The following IFT122 variants were observed in gnomAD, a reference collection of about 807,000 sequenced individuals.
The protein encoded by IFT122 is intraflagellar transport 122.
In IFT122, 118 loss-of-function variants were observed where a neutral mutation model predicts 161.6. The ratio of observed to expected loss-of-function variants is 0.73; its 90% CI spans 0.63 to 0.85. The LOEUF is 0.85. Among genes scored for constraint, IFT122 ranks in the 40% least tolerant of loss-of-function variants. The probability of loss-of-function intolerance (pLI) is 0.00; values close to 1 mark genes in which losing one functional copy is unlikely to be tolerated. For missense variants in IFT122, 1,381 were observed against 1,579.6 expected (o/e 0.87, Z 2.13); for synonymous variants, 550 against 602.4 (o/e 0.91, Z 1.27).
chr3:129,517,268 G>GCACGCGCGCGCGCA (rs1553776446), intron 26 of IFT122, among the ~76,000 whole-genome samples: 1 of 117,004 alleles, frequency 8.5e-6, no homozygotes, highest in African/African-American at 3.2e-5. Flanking sequence ...CATTGCTCCT[G>GCACGCGCGCGCGCA]CACACACACA....
chr3:129,478,348 G>A (rs2078212783), intron 12 of IFT122, 130 bp downstream of exon 12: 2 of 740,912 alleles, frequency 2.7e-6, no homozygotes. Flanking sequence ...ACTAAGTGGT[G>A]CTTATTGGCT....
intron 2 of IFT122, among the ~76,000 whole-genome samples, chr3:129,450,971 C>T (rs548311401): frequency 5.7e-4 from 86 of 152,140 alleles, no homozygotes; most frequent in African/African-American, 1.8e-3. Context: ...CCACCCACCT[C>T]GGCCTCCCAA....
At chr3:129,466,523 A>T (rs2108153345) in intron 7 of IFT122, among the ~76,000 whole-genome samples, 1 of 106,132 alleles carries the variant, frequency 9.4e-6, no homozygotes. Context: ...TTTTTTTGAG[A>T]CGGGGTCTCA....
intron 5 of IFT122, among the ~76,000 whole-genome samples, chr3:129,462,956 A>G (rs976858847): frequency 6.6e-6 from 1 of 152,152 alleles, no homozygotes; most frequent in Non-Finnish European, 1.5e-5. Flanking sequence ...GCTAGGTTAT[A>G]CTCTGGTTGC....
chr3:129,482,642 A>T (rs2108341933), intron 14 of IFT122, among the ~76,000 whole-genome samples: 1 of 152,254 alleles, frequency 6.6e-6, no homozygotes, highest in East Asian at 1.9e-4. Context: ...CATGTCCTTG[A>T]GAGAGTAGAA....
chr3:129,482,731 T>C lies in IFT122; in HGVS notation c.1654-754T>C, dbSNP rs117956136. Among the ~76,000 whole-genome samples, 75 of 152,332 alleles carry C rather than the reference T, an allele frequency of 4.9e-4. No homozygotes were observed. In the East Asian group the frequency reaches 0.011, roughly 22 times the overall value. ...TGCCTGCATCCCTTACTGTGTGATC[T>C]TAAGTTAGTGAGCCTCTCTGAGCCT... On this transcript the variant is annotated intron_variant, in intron 14 of 29. Transcript: ENST00000348417.
chr3:129,452,152 A>G (rs1231795143), intron 3 of IFT122, 154 bp downstream of exon 3: 10 of 658,004 alleles, frequency 1.5e-5, no homozygotes, highest in East Asian at 1.2e-4. Flanking sequence ...TGGTCATTCA[A>G]TCTAGCAAGT....
chr3:129,457,150 G>A (rs565790799), intron 3 of IFT122, among the ~76,000 whole-genome samples: 4 of 152,280 alleles, frequency 2.6e-5, no homozygotes, highest in East Asian at 1.9e-4. Flanking sequence ...TGAAGACCCC[G>A]TTATTTGCTG....
At chr3:129,489,624 G>A (rs962622062) in intron 16 of IFT122, among the ~76,000 whole-genome samples, 5 of 152,072 alleles carry the variant, frequency 3.3e-5, no homozygotes, top group Non-Finnish European at 7.4e-5. Flanking sequence ...CGGATCACAA[G>A]GTCAGGAGAT....
intron 4 of IFT122, 116 bp downstream of exon 4, chr3:129,458,793 T>G (rs1219428045): frequency 1.9e-5 from 15 of 784,036 alleles, no homozygotes; most frequent in Non-Finnish European, 3.1e-5. Flanking sequence ...AACTTGAAAT[T>G]AAGTTGTGGG....
At chr3:129,466,492 A>ATT (rs2076790385) in intron 7 of IFT122, among the ~76,000 whole-genome samples, 1 of 102,188 alleles carries the variant, frequency 9.8e-6, no homozygotes, top group African/African-American at 3.7e-5. Flanking sequence ...TTTTATTTTT[A>ATT]TTCTTTTTTT....
intron 4 of IFT122, chr3:129,459,185 G>A (rs948835126): frequency 3.4e-5 from 14 of 406,124 alleles, no homozygotes; most frequent in Middle Eastern, 8.1e-4. Context: ...GGTCTCTTTC[G>A]AGGCATTTCT....
At chr3:129,457,431 CT>C (rs1190033789) in intron 3 of IFT122, among the ~76,000 whole-genome samples, 1 of 152,220 alleles carries the variant, frequency 6.6e-6, no homozygotes, top group Non-Finnish European at 1.5e-5. Flanking sequence ...TCCATGATGA[CT>C]CCGCTCATTC....
intron 4 of IFT122, among the ~76,000 whole-genome samples, chr3:129,459,740 CCCTT>C (rs2076017889): frequency 1.9e-5 from 2 of 106,652 alleles, no homozygotes; most frequent in South Asian, 6.8e-4. Flanking sequence ...CTCCCTCCCT[CCCTT>C]CTTCCTTCCT....
At chr3:129,487,860 G>A (rs551346377) in intron 15 of IFT122, 68 of 337,824 alleles carry the variant, frequency 2.0e-4, no homozygotes, top group South Asian at 1.3e-3. Flanking sequence ...CTGGGGTGGG[G>A]GCTTGAGGGG....
At chr3:129,475,858 A>G (rs977407914) in intron 9 of IFT122, among the ~76,000 whole-genome samples, 2 of 152,240 alleles carry the variant, frequency 1.3e-5, no homozygotes, top group Admixed American at 6.5e-5. Flanking sequence ...GTATGGGTGT[A>G]GTTGCAGAAT....
intron 13 of IFT122, 80 bp downstream of exon 13, chr3:129,480,002 CT>C: frequency 6.4e-7 from 1 of 1,561,800 alleles, no homozygotes; most frequent in Non-Finnish European, 8.8e-7. Context: ...TGACTCTGAG[CT>C]GGGTTCTCAG....
chr3:129,509,995 A>G (rs2082626558), intron 23 of IFT122, among the ~76,000 whole-genome samples: 1 of 152,210 alleles, frequency 6.6e-6, no homozygotes, highest in African/African-American at 2.4e-5. Flanking sequence ...GGTGGCAGCT[A>G]TCCTTACTGC....
chr3:129,467,137 A>T, intron 8 of IFT122, 71 bp downstream of exon 8: 1 of 1,468,558 alleles, frequency 6.8e-7, no homozygotes, highest in African/African-American at 1.4e-5. Context: ...GCCAGGACAG[A>T]TGTTAAACTC....
Sources: gnomAD v4.1 joint callset for allele counts (sites outside exome capture counted in the v4.1 genomes callset) on GRCh38, gnomAD v4.1.1 for gene constraint, MANE v1.5 for transcripts, NCBI Gene and HGNC (gene_info 2026-07-23, HGNC 2026-07-21) for gene names.